Variants in GRM8 observed in about 807,000 individuals in gnomAD.
GRM8 encodes the protein glutamate metabotropic receptor 8.
Under a neutral mutation model 87.2 loss-of-function variants are expected in GRM8, and 47 were observed. The observed-to-expected ratio is 0.54, with a 90% CI of 0.43 to 0.69. The LOEUF is 0.69. Ranked by LOEUF, GRM8 falls within the 30% of genes least tolerant of loss-of-function variation. GRM8 has a pLI of 0.00. For missense variants in GRM8, 1,019 were observed against 1,139.2 expected (o/e 0.89, Z 1.52); for synonymous variants, 396 against 404.5 (o/e 0.98, Z 0.25).
At chr7:126,648,294 T>C (rs1803405347) in intron 7 of GRM8, among the ~76,000 whole-genome samples, 1 of 152,206 alleles carries the variant, frequency 6.6e-6, no homozygotes, top group Admixed American at 6.5e-5. Context: ...GTGATTATTA[T>C]CTATCCTCCC....
chr7:126,943,651 T>C (rs1807216310), intron 3 of GRM8, among the ~76,000 whole-genome samples: 1 of 152,200 alleles, frequency 6.6e-6, no homozygotes, highest in African/African-American at 2.4e-5. Context: ...TGATTCAAGG[T>C]GAAACCTTAT....
chr7:127,213,338 G>A (rs542047838), intron 2 of GRM8, among the ~76,000 whole-genome samples: 48 of 152,268 alleles, frequency 3.2e-4, no homozygotes, highest in African/African-American at 1.1e-3. Context: ...GAGATGTGCT[G>A]TAAGTACAAA....
intron 7 of GRM8, among the ~76,000 whole-genome samples, chr7:126,666,929 G>A (rs1805834749): frequency 6.6e-6 from 1 of 151,878 alleles, no homozygotes; most frequent in African/African-American, 2.4e-5. Context: ...ATGCTCCATT[G>A]GGGATATTAC....
At chr7:126,645,192 T>G (rs1025159506) in intron 7 of GRM8, among the ~76,000 whole-genome samples, 2 of 152,226 alleles carry the variant, frequency 1.3e-5, no homozygotes, top group African/African-American at 4.8e-5. Flanking sequence ...GAACCTGAAC[T>G]CTTCTGAGAT....
In GRM8 at chr7:126,879,791, C is replaced by T. The variant is rs528742659; in HGVS notation, c.1156+22751G>A. 1.2e-3 allele frequency among the ~76,000 whole-genome samples: 183 copies of T among 152,134 alleles called. No homozygotes were observed. In the Middle Eastern group the frequency reaches 0.02, roughly 17 times the overall value. The stretch of plus-strand genomic sequence containing the variant: ...GGCTATCTGAAATTATATTTAAGGG[C>T]GAGTATTATACTACCATTTGTTTCA... On this transcript the variant is annotated intron_variant, in intron 6 of 10. Coordinates refer to ENST00000339582, the MANE Select transcript of GRM8 (RefSeq NM_000845.3).
chr7:127,106,642 C>A lies in GRM8; in HGVS notation c.581G>T (p.Arg194Leu), dbSNP rs772213436. The change falls in exon 3 of 11, where the codon CGA becomes CTA. Residue 194 changes from arginine to leucine, a missense_variant. Arg to Leu is a moderately radical substitution (Grantham distance 102). Transcript: ENST00000339582. ...SDNTRYDFFSRVVPPDSYQAQ... is the reference protein window; with the variant it reads ...SDNTRYDFFSLVVPPDSYQAQ... ...TTGGTAGGAGTCAGGCGGAACCACT[C>A]GAGAGAAAAAGTCATACCTGGTGTT... 2 of 1,613,864 alleles carry A rather than the reference C, an allele frequency of 1.2e-6. No homozygotes were observed. Among genetic ancestry groups the A allele is most frequent in the Admixed American group, 1.7e-5 (1 of 59,982 alleles).
At chr7:126,581,451 T>C (rs1338109613) in intron 8 of GRM8, among the ~76,000 whole-genome samples, 1 of 152,076 alleles carries the variant, frequency 6.6e-6, no homozygotes, top group Non-Finnish European at 1.5e-5. Context: ...GAAGACCTGA[T>C]AAAGAGTGAG....
chr7:126,751,311 T>C (rs531250622), intron 7 of GRM8, among the ~76,000 whole-genome samples: 86 of 152,140 alleles, frequency 5.7e-4, no homozygotes, highest in African/African-American at 2.0e-3. Flanking sequence ...AAAGAAAATA[T>C]TGTTGCATTC....
At chr7:126,747,746 T>C (rs1333172728) in intron 7 of GRM8, among the ~76,000 whole-genome samples, 1 of 151,992 alleles carries the variant, frequency 6.6e-6, no homozygotes, top group Non-Finnish European at 1.5e-5. Context: ...TATGGATACT[T>C]TTTCTTTCAG....
intron 3 of GRM8, among the ~76,000 whole-genome samples, chr7:126,920,385 A>G (rs1804391726): frequency 6.6e-6 from 1 of 152,194 alleles, no homozygotes; most frequent in Admixed American, 6.5e-5. Flanking sequence ...ATAAAAAAAA[A>G]GAGGGGAAAA....
At chr7:126,937,497 G>A (rs1806461107) in intron 3 of GRM8, among the ~76,000 whole-genome samples, 1 of 152,174 alleles carries the variant, frequency 6.6e-6, no homozygotes, top group Admixed American at 6.5e-5. Context: ...GCTGTACAAG[G>A]AGGGAAGCTA....
intron 6 of GRM8, 91 bp downstream of exon 6, chr7:126,902,451 T>C: frequency 9.6e-7 from 1 of 1,037,034 alleles, no homozygotes; most frequent in Non-Finnish European, 1.4e-6. Context: ...AATACATTCA[T>C]CATTATCCAT....
At chr7:126,968,192 A>G (rs985632052) in intron 3 of GRM8, among the ~76,000 whole-genome samples, 4 of 152,210 alleles carry the variant, frequency 2.6e-5, no homozygotes, top group Non-Finnish European at 5.9e-5. Context: ...AGATTTATCT[A>G]TTAAACAACT....
At chr7:126,900,014 C>T (rs1801914069) in intron 6 of GRM8, among the ~76,000 whole-genome samples, 1 of 152,152 alleles carries the variant, frequency 6.6e-6, no homozygotes, top group Admixed American at 6.5e-5. Flanking sequence ...TCATCTCCTT[C>T]CCCCAAGCCC....
intron 3 of GRM8, among the ~76,000 whole-genome samples, chr7:126,921,743 A>T (rs1308829410): frequency 1.3e-5 from 2 of 152,170 alleles, no homozygotes; most frequent in Non-Finnish European, 2.9e-5. Flanking sequence ...GTGTGTAGGT[A>T]GAATAAAGTC....
chr7:126,791,358 C>A (rs1821299067), intron 6 of GRM8, among the ~76,000 whole-genome samples: 1 of 152,188 alleles, frequency 6.6e-6, no homozygotes, highest in Admixed American at 6.5e-5. Flanking sequence ...TTACTATAAT[C>A]TTTCTACCTT....
intron 7 of GRM8, among the ~76,000 whole-genome samples, chr7:126,620,457 A>G (rs2151138408): frequency 6.6e-6 from 1 of 152,322 alleles, no homozygotes. Context: ...ATTCGTAGGC[A>G]TCTCAAGCAC....
chr7:126,643,280 G>T (rs1585337205), intron 7 of GRM8, among the ~76,000 whole-genome samples: 1 of 91,756 alleles, frequency 1.1e-5, no homozygotes, highest in Non-Finnish European at 1.9e-5. Context: ...GACAGAGTGA[G>T]AACTTGTCTC....
intron 3 of GRM8, among the ~76,000 whole-genome samples, chr7:126,991,083 T>G (rs1158056315): frequency 6.6e-6 from 1 of 152,184 alleles, no homozygotes; most frequent in Non-Finnish European, 1.5e-5. Flanking sequence ...GGATTAAATT[T>G]TTTATATTAT....
Sources: gnomAD v4.1 joint callset for allele counts (sites outside exome capture counted in the v4.1 genomes callset) on GRCh38, gnomAD v4.1.1 for gene constraint, MANE v1.5 for transcripts, NCBI Gene and HGNC (gene_info 2026-07-23, HGNC 2026-07-21) for gene names.